The following CMTM4 variants were observed in gnomAD, a reference collection of about 807,000 sequenced individuals.
The protein encoded by CMTM4 is CKLF-like MARVEL transmembrane domain-containing protein 4.
Under a neutral mutation model 19.0 loss-of-function variants are expected in CMTM4, and 8 were observed. That is an observed-to-expected ratio of 0.42 (90% CI 0.25 to 0.76). The LOEUF (loss-of-function observed/expected upper bound fraction) is 0.76, where lower values mean the gene tolerates loss of function less well. CMTM4 is among the 30% of genes least tolerant of loss of function. The pLI, the probability that CMTM4 is intolerant of heterozygous loss-of-function variation, is 0.27. For synonymous variants in CMTM4, 106 were observed against 121.1 expected (o/e 0.88, Z 0.82); for missense variants, 228 against 290.2 (o/e 0.79, Z 1.56).
intron 1 of CMTM4, among the ~76,000 whole-genome samples, chr16:66,649,495 C>CTATCT (rs2016271787): frequency 1.0e-5 from 1 of 99,996 alleles, no homozygotes; most frequent in African/African-American, 5.1e-5. Flanking sequence ...TCTATCTATC[C>CTATCT]CTGATTTTTT....
chr16:66,695,554 A>G (rs1484286847), intron 1 of CMTM4, among the ~76,000 whole-genome samples: 1 of 152,186 alleles, frequency 6.6e-6, no homozygotes, highest in Non-Finnish European at 1.5e-5. Context: ...AACAGAGCTG[A>G]GAGGCCCCTG....
At chr16:66,661,635 T>C (rs969496917) in intron 1 of CMTM4, among the ~76,000 whole-genome samples, 1 of 152,088 alleles carries the variant, frequency 6.6e-6, no homozygotes, top group African/African-American at 2.4e-5. Context: ...ACTTAAAACA[T>C]TTCCTTACTA....
Position 66,643,897 on chromosome 16 carries a change from G to A in CMTM4, c.187-7316C>T, listed in dbSNP as rs567435239. Among the ~76,000 whole-genome samples the A allele has an allele frequency of 4.6e-5, 7 of 152,152 alleles. No homozygotes were observed. The East Asian group carries it at 1.2e-3, about 25-fold the overall frequency. On this transcript the variant is annotated intron_variant, in intron 1 of 3. Coordinates refer to ENST00000394106, the MANE Select transcript of CMTM4 (RefSeq NM_181521.3). ...GCCTCCCAAGTAGCTGGGATTACAGGTGCCCACCACCACACCCAGCTAGTT... is the reference window on the plus strand; with the variant it reads ...GCCTCCCAAGTAGCTGGGATTACAGATGCCCACCACCACACCCAGCTAGTT...
At chr16:66,660,387 C>CAAAAAAAAAAAAAAAAAAAA (rs34266604) in intron 1 of CMTM4, among the ~76,000 whole-genome samples, 1 of 84,524 alleles carries the variant, frequency 1.2e-5, no homozygotes, top group Non-Finnish European at 2.3e-5. Context: ...GATCCTGTCT[C>CAAAAAAAAAAAAAAAAAAAA]AAAAAAAAAA....
chr16:66,617,549 A>C lies in CMTM4; in HGVS notation c.*4509T>G. 1 of 1,361,428 alleles carries C rather than the reference A, an allele frequency of 7.3e-7. No individual in the cohort carries two copies. Among genetic ancestry groups the C allele is most frequent in the Non-Finnish European group, 9.5e-7 (1 of 1,057,650 alleles). The allele number at this position is 1,361,428 out of a possible 1,614,324, so 84.3% of individuals were successfully genotyped here. ...CACTTTCGGAAGAAAATTTTTCTAG[A>C]CCTAACAGATATTGACGGTATTTTC... On this transcript the variant is annotated 3_prime_UTR_variant, in exon 4 of 4. Transcript: ENST00000394106.
At chr16:66,631,255 GGAGGTGGGGGGTCAGCCCCCCGC>G (rs1186633809) in intron 2 of CMTM4, among the ~76,000 whole-genome samples, 1 of 150,780 alleles carries the variant, frequency 6.6e-6, no homozygotes, top group East Asian at 2.0e-4. Flanking sequence ...CGTCCAGGAG[GGAGGTGGGGGGTCAGCCCCCCGC>G]CCGGCCAGCC....
chr16:66,604,725 G>T, the CMTM4 span: 2 of 1,108,586 alleles, frequency 1.8e-6, no homozygotes, highest in Non-Finnish European at 2.3e-6. Context: ...CCCTCCTTCC[G>T]CACAGCCCGG....
intron 1 of CMTM4, among the ~76,000 whole-genome samples, chr16:66,659,956 A>C (rs974855358): frequency 6.6e-6 from 1 of 152,186 alleles, no homozygotes; most frequent in African/African-American, 2.4e-5. Flanking sequence ...CATACAAAAA[A>C]CTCAAATCTC....
intron 1 of CMTM4, among the ~76,000 whole-genome samples, chr16:66,672,897 A>T (rs2016736540): frequency 6.9e-6 from 1 of 144,352 alleles, no homozygotes; most frequent in African/African-American, 2.6e-5. Context: ...AAGTGCTGGG[A>T]TCATAGGTGT....
chr16:66,637,264 G>T (rs2016011184), intron 1 of CMTM4, among the ~76,000 whole-genome samples: 2 of 152,162 alleles, frequency 1.3e-5, no homozygotes, highest in African/African-American at 4.8e-5. Context: ...AAATTTCTAG[G>T]CTGGGCACGG....
At chr16:66,643,007 G>C (rs2016125376) in intron 1 of CMTM4, among the ~76,000 whole-genome samples, 1 of 152,158 alleles carries the variant, frequency 6.6e-6, no homozygotes. Context: ...TGCAACCTCT[G>C]CTTCCCGGGT....
In CMTM4 at chr16:66,621,904, A is replaced by G; in HGVS notation, c.*154T>C. ...TCCCAACTCCACCGCGGACCCGCCC[A>G]CTGGGCCACTCGGGAAACCCTTTCC... On this transcript the variant is annotated 3_prime_UTR_variant, in exon 4 of 4. Coordinates refer to ENST00000394106, the MANE Select transcript of CMTM4 (RefSeq NM_181521.3). 2 of 1,436,042 alleles carry G rather than the reference A, an allele frequency of 1.4e-6. No homozygotes were observed. Among genetic ancestry groups the G allele is most frequent in the Non-Finnish European group, 1.8e-6 (2 of 1,097,100 alleles). The allele number at this position is 1,436,042 out of a possible 1,614,324, so 89.0% of individuals were successfully genotyped here. A position where few individuals can be genotyped will look rare whatever the true frequency, so the allele number is the denominator to read the frequency against.
At position 66,678,425 on chromosome 16, in the gene CMTM4, G is replaced by C. The variant is rs115724518; in HGVS notation, c.186+17915C>G. On this transcript the variant is annotated intron_variant, in intron 1 of 3. Transcript: ENST00000394106. ...TAGTCCCCATTTCAACATAAATTGTGAATGCTTTCGAAATGAACCAAAAAT... is the reference window on the plus strand; with the variant it reads ...TAGTCCCCATTTCAACATAAATTGTCAATGCTTTCGAAATGAACCAAAAAT... Among the ~76,000 whole-genome samples the C allele has an allele frequency of 6.1e-3, 933 of 152,298 alleles. 4 individuals carry two copies. The highest frequency in any genetic ancestry group is 0.021 in the African/African-American group (862 of 41,552).
chr16:66,607,300 A>T, the CMTM4 span, among the ~76,000 whole-genome samples: 3 of 152,320 alleles, frequency 2.0e-5, no homozygotes, highest in South Asian at 6.2e-4. Flanking sequence ...GACCACAGTG[A>T]ACATTTTGAT....
the CMTM4 span, chr16:66,609,746 C>T: frequency 1.9e-6 from 3 of 1,579,464 alleles, no homozygotes; most frequent in Non-Finnish European, 2.6e-6. This position sits in a 1 kb window ranked among gnomAD's most constrained non-coding sequence, Gnocchi z 4.4. Flanking sequence ...TTTCCCACTT[C>T]CGTTACTCAC....
intron 1 of CMTM4, among the ~76,000 whole-genome samples, chr16:66,647,133 G>A (rs1381109900): frequency 6.8e-6 from 1 of 146,216 alleles, no homozygotes. Context: ...GGCTAATACG[G>A]TGAAACCCCG....
At chr16:66,683,188 T>C (rs1294237580) in intron 1 of CMTM4, among the ~76,000 whole-genome samples, 41 of 95,908 alleles carry the variant, frequency 4.3e-4, no homozygotes, top group African/African-American at 1.2e-3. Context: ...TATGTATATA[T>C]ATATACATAT....
At chr16:66,670,961 G>A (rs1367686177) in intron 1 of CMTM4, among the ~76,000 whole-genome samples, 1 of 152,154 alleles carries the variant, frequency 6.6e-6, no homozygotes, top group East Asian at 1.9e-4. Flanking sequence ...GTCCTCTCTA[G>A]CTGAGGAGAA....
chr16:66,667,901 G>A (rs1287084223), intron 1 of CMTM4, among the ~76,000 whole-genome samples: 1 of 151,998 alleles, frequency 6.6e-6, no homozygotes, highest in Non-Finnish European at 1.5e-5. Flanking sequence ...AAAAAAAGTA[G>A]TTACCATCTT....
Sources: allele counts gnomAD v4.1 joint callset (sites outside exome capture counted in the v4.1 genomes callset), GRCh38; gene constraint gnomAD v4.1.1; non-coding constraint Gnocchi (gnomAD v3.1); transcripts MANE v1.5; gene names NCBI Gene and HGNC (gene_info 2026-07-23, HGNC 2026-07-21).